Variants in APOBEC3F observed in about 807,000 individuals in gnomAD.
APOBEC3F encodes DNA dC->dU-editing enzyme APOBEC-3F.
APOBEC3F carries 34 observed loss-of-function variants against 45.8 expected under a neutral mutation model. The ratio of observed to expected loss-of-function variants is 0.74; its 90% CI spans 0.57 to 0.99. The LOEUF is 0.99. APOBEC3F is among the 50% of genes least tolerant of loss of function. APOBEC3F has a pLI of 0.00. For synonymous variants in APOBEC3F, 192 were observed against 174.4 expected (o/e 1.10, Z -0.80); for missense variants, 459 against 474.1 (o/e 0.97, Z 0.30).
At chr22:39,044,800 T>C (rs1927117519) in intron 2 of APOBEC3F, 141 bp from the exon 3 acceptor site, 9 of 809,476 alleles carry the variant, frequency 1.1e-5, no homozygotes, top group Non-Finnish European at 1.7e-5. Flanking sequence ...TCACTCAAAC[T>C]AAACAGGGGG....
At chr22:39,050,369 C>T (rs1456916416) in intron 5 of APOBEC3F, among the ~76,000 whole-genome samples, 5 of 151,470 alleles carry the variant, frequency 3.3e-5, no homozygotes, top group African/African-American at 9.6e-5. Flanking sequence ...CCCACCCTGT[C>T]GTGTCCCACC....
At chr22:39,044,062 G>A (rs1480268770) in intron 2 of APOBEC3F, 49 of 1,515,474 alleles carry the variant, frequency 3.2e-5, no homozygotes, top group South Asian at 2.2e-4. Flanking sequence ...ATAAATGAGC[G>A]GTGTATGGTG....
At position 39,040,882 on chromosome 22, in the gene APOBEC3F, C is replaced by A. The variant is rs1321107161; in HGVS notation, c.-79C>A. 3 of 1,551,594 alleles carry A rather than the reference C, an allele frequency of 1.9e-6. No homozygotes were observed. The highest frequency in any genetic ancestry group is 2.6e-6 in the Non-Finnish European group (3 of 1,147,054). Reference sequence around the variant, plus strand: ...GGAGGTCACTTTAGGGAGGGCTGTCCTGAAACCTGGAGCCTGGAGCAGAAA... The same window carrying A: ...GGAGGTCACTTTAGGGAGGGCTGTCATGAAACCTGGAGCCTGGAGCAGAAA... On this transcript the variant is annotated 5_prime_UTR_variant, in exon 1 of 7. It adds an upstream start codon to the 5' untranslated region. Coordinates refer to ENST00000308521, the MANE Select transcript of APOBEC3F (RefSeq NM_145298.6).
chr22:39,044,718 C>T (rs1226945232), intron 2 of APOBEC3F, among the ~76,000 whole-genome samples: 1 of 152,198 alleles, frequency 6.6e-6, no homozygotes, highest in Admixed American at 6.5e-5. Flanking sequence ...GCCTCATAGC[C>T]TCTTCTAGGT....
chr22:39,042,951 G>A lies in APOBEC3F; in HGVS notation c.32G>A (p.Arg11Gln), dbSNP rs745601693. The change falls in exon 2 of 7, where the codon CGA (arginine) becomes CAA (glutamine). Residue 11 changes from arginine to glutamine, a missense_variant. Physicochemically the swap from Arg to Gln is conservative, Grantham distance 43. Transcript: ENST00000308521. MKPHFRNTVE[R>Q]MYRDTFSYNF... ...TGTGTCTTCAGAAACACAGTGGAGC[G>A]AATGTATCGAGACACATTCTCCTAC... 14 of 1,613,864 alleles carry A rather than the reference G, an allele frequency of 8.7e-6. No individual in the cohort carries two copies. Among genetic ancestry groups the A allele is most frequent in the South Asian group, 4.4e-5 (4 of 91,078 alleles).
chr22:39,044,179 C>A (rs777133595), intron 2 of APOBEC3F: 4 of 1,606,188 alleles, frequency 2.5e-6, no homozygotes, highest in East Asian at 2.2e-5. Flanking sequence ...CCAGTGGCCT[C>A]CCCAGCTGAC....
intron 4 of APOBEC3F, among the ~76,000 whole-genome samples, chr22:39,048,366 A>G (rs1927320652): frequency 6.6e-6 from 1 of 152,144 alleles, no homozygotes; most frequent in Admixed American, 6.6e-5. Context: ...TCAGACCCTC[A>G]CAGCACTTAG....
At chr22:39,048,167 G>A (rs1249564534) in intron 4 of APOBEC3F, among the ~76,000 whole-genome samples, 1 of 152,198 alleles carries the variant, frequency 6.6e-6, no homozygotes, top group Non-Finnish European at 1.5e-5. Flanking sequence ...AGAGAGTCCG[G>A]TTCCCAACAG....
In APOBEC3F at chr22:39,040,941, T is replaced by C; in HGVS notation, c.-20T>C. ...CTGGTGCTCCAGACAAAGATCTTAGTCGGGACTAGCCGGCCAAGGATGAAG... is the reference window on the plus strand; with the variant it reads ...CTGGTGCTCCAGACAAAGATCTTAGCCGGGACTAGCCGGCCAAGGATGAAG... On this transcript the variant is annotated 5_prime_UTR_variant, in exon 1 of 7. Transcript: ENST00000308521. 1 of 1,571,672 alleles carries C rather than the reference T, an allele frequency of 6.4e-7. No homozygotes were observed. Among genetic ancestry groups the C allele is most frequent in the Non-Finnish European group, 8.6e-7 (1 of 1,157,818 alleles).
At chr22:39,047,749 T>TC (rs199562257) in intron 4 of APOBEC3F, among the ~76,000 whole-genome samples, 1,610 of 150,676 alleles carry the variant, frequency 0.011, 15 homozygotes, top group Admixed American at 0.016. Flanking sequence ...GCTGAGACTC[T>TC]CCCCCGAAAG....
intron 1 of APOBEC3F, among the ~76,000 whole-genome samples, chr22:39,042,162 C>G (rs547384259): frequency 6.6e-6 from 1 of 152,344 alleles, no homozygotes; most frequent in Admixed American, 6.5e-5. Context: ...AGCTCACATC[C>G]GCGCAGCACT....
chr22:39,049,697 TTC>T, intron 5 of APOBEC3F, 116 bp downstream of exon 5: 43 of 1,216,370 alleles, frequency 3.5e-5, no homozygotes, highest in East Asian at 7.7e-5. Flanking sequence ...CCTCTTACAT[TTC>T]TTTTTTTTTT....
At chr22:39,047,534 G>A (rs1274221411) in intron 4 of APOBEC3F, among the ~76,000 whole-genome samples, 2 of 152,164 alleles carry the variant, frequency 1.3e-5, no homozygotes, top group South Asian at 2.1e-4. Flanking sequence ...CTCTGCCCAC[G>A]GGGCCTCTGC....
rs1408166368 is a variant in APOBEC3F at position 39,045,496 on chromosome 22, G to A, written c.520G>A (p.Asp174Asn). 1.9e-6 allele frequency: 3 copies of A among 1,614,124 alleles called. No homozygotes were observed. The highest frequency in any genetic ancestry group is 2.2e-5 in the East Asian group (1 of 44,886). ...GCCATTCATGCCTTGGTACAAATTC[G>A]ATGACAATTATGCATTCCTGCACCG... is the stretch of plus-strand genomic sequence containing the variant. ...GQPFMPWYKF[D>N]DNYAFLHRTL... The change falls in exon 4 of 7, where the codon GAT becomes AAT. Residue 174 changes from aspartate to asparagine, a missense_variant. Asp to Asn is a conservative substitution (Grantham distance 23, BLOSUM62 1). Coordinates refer to ENST00000308521, the MANE Select transcript of APOBEC3F (RefSeq NM_145298.6).
At chr22:39,042,397 C>T (rs34578907) in intron 1 of APOBEC3F, among the ~76,000 whole-genome samples, 1,594 of 151,396 alleles carry the variant, frequency 0.011, 30 homozygotes, top group African/African-American at 0.036. Context: ...CTACAACCTC[C>T]GCCTCCCAGG....
chr22:39,045,082 G>C lies in APOBEC3F; in HGVS notation c.313G>C (p.Glu105Gln), dbSNP rs765146813. The C allele has an allele frequency of 6.2e-7, 1 of 1,613,922 alleles. No homozygotes were observed. Among genetic ancestry groups the C allele is most frequent in the Non-Finnish European group, 8.5e-7 (1 of 1,179,934 alleles). Residue 105 changes from glutamate (E) to glutamine (Q), a missense_variant, in exon 3 of 7, where the codon GAA becomes CAA. Glu to Gln is a conservative substitution (Grantham distance 29). Transcript: ENST00000308521. ...CCCGGACTGTGTGGCGAAGCTGGCC[G>C]AATTCCTGGCTGAGCACCCCAATGT... ...PCPDCVAKLA[E>Q]FLAEHPNVTL...
chr22:39,054,577 C>A lies in APOBEC3F; in HGVS notation c.*1882C>A, dbSNP rs1156327597. On this transcript the variant is annotated 3_prime_UTR_variant, in exon 7 of 7. Transcript: ENST00000308521. Reference sequence around the variant, plus strand: ...CCTCAAGTGATCCAACCTCCTTGGCCTCCCAAATTGCTGGGATTGCTGGTG... The same window carrying A: ...CCTCAAGTGATCCAACCTCCTTGGCATCCCAAATTGCTGGGATTGCTGGTG... Among the ~76,000 whole-genome samples the A allele has an allele frequency of 6.6e-6, 1 of 152,218 alleles. No individual in the cohort carries two copies. The highest frequency in any genetic ancestry group is 1.5e-5 in the Non-Finnish European group (1 of 68,040).
At chr22:39,044,341 T>C (rs1927092520) in intron 2 of APOBEC3F, 1 of 1,407,424 alleles carries the variant, frequency 7.1e-7, no homozygotes, top group Admixed American at 3.0e-5. Context: ...GGGAAGCTCA[T>C]GTCTTGGTGC....
intron 5 of APOBEC3F, among the ~76,000 whole-genome samples, chr22:39,051,700 G>A (rs527565010): frequency 6.6e-6 from 1 of 152,066 alleles, no homozygotes; most frequent in South Asian, 2.1e-4. Flanking sequence ...GCTCATAGTC[G>A]CAGAGTTTTG....
Sources: gnomAD v4.1 joint callset for allele counts (sites outside exome capture counted in the v4.1 genomes callset) on GRCh38, gnomAD v4.1.1 for gene constraint, MANE v1.5 for transcripts, NCBI Gene and HGNC (gene_info 2026-07-23, HGNC 2026-07-21) for gene names.